Variants in IL1RAPL2 observed in about 807,000 individuals in gnomAD.
The protein encoded by IL1RAPL2 is X-linked interleukin-1 receptor accessory protein-like 2.
IL1RAPL2 carries 3 observed loss-of-function variants against 44.1 expected under a neutral mutation model. The observed-to-expected ratio is 0.07, with a 90% CI of 0.03 to 0.18. IL1RAPL2 has a LOEUF of 0.18. Among genes scored for constraint, IL1RAPL2 ranks in the 10% least tolerant of loss-of-function variants. The pLI, the probability that IL1RAPL2 is intolerant of heterozygous loss-of-function variation, is 1.00. For missense variants in IL1RAPL2, 391 were observed against 496.4 expected (o/e 0.79, Z 2.02); for synonymous variants, 181 against 178.8 (o/e 1.01, Z -0.10).
intron 1 of IL1RAPL2, among the ~76,000 whole-genome samples, chrX:104,637,818 GTGTGTCTGTGTGTC>G (rs1929852668): frequency 1.8e-5 from 2 of 109,470 alleles, no homozygotes; most frequent in South Asian, 3.9e-4. Context: ...GTGTGTGTGT[GTGTGTCTGTGTGTC>G]TGTGTGTGTG....
chrX:105,034,710 T>A (rs1047899305), intron 2 of IL1RAPL2, among the ~76,000 whole-genome samples: 21 of 112,285 alleles, frequency 1.9e-4, no homozygotes, highest in Non-Finnish European at 3.6e-4. Flanking sequence ...GAGGAGGCAG[T>A]CTGCCTGTTC....
chrX:105,542,688 A>ATTTT (rs1159844672), intron 6 of IL1RAPL2, among the ~76,000 whole-genome samples: 4 of 84,861 alleles, frequency 4.7e-5, no homozygotes, highest in African/African-American at 2.1e-4. Flanking sequence ...TATTTTTTAT[A>ATTTT]TTTTTTATTT....
At chrX:105,345,900 G>A (rs964187597) in intron 5 of IL1RAPL2, among the ~76,000 whole-genome samples, 1 of 111,625 alleles carries the variant, frequency 9.0e-6, no homozygotes, top group Non-Finnish European at 1.9e-5. Context: ...GGAGCAACAA[G>A]AAAATCATAC....
chrX:105,672,519 G>A (rs2037832951), intron 6 of IL1RAPL2, among the ~76,000 whole-genome samples: 1 of 112,560 alleles, frequency 8.9e-6, no homozygotes, highest in South Asian at 3.6e-4. Context: ...ACCCCTGTAG[G>A]GGGTAGAGGG....
rs761687117 is a variant in IL1RAPL2 at position 105,090,723 on chromosome X, T to C, written c.83-104752T>C. On this transcript the variant is annotated intron_variant, in intron 2 of 10. Transcript: ENST00000372582. The stretch of plus-strand genomic sequence containing the variant: ...CTCCAAATGACAGAAAGGGTGGCCT[T>C]ATCTCAGGAATGAGAGTTCTTCTAG... Among the ~76,000 whole-genome samples, 22 of 112,383 alleles carry C rather than the reference T, an allele frequency of 2.0e-4. No individual in the cohort carries two copies. In the South Asian group the frequency reaches 4.1e-3, roughly 21 times the overall value.
At chrX:105,522,080 C>T (rs999717782) in intron 6 of IL1RAPL2, among the ~76,000 whole-genome samples, 1 of 111,923 alleles carries the variant, frequency 8.9e-6, no homozygotes, top group Non-Finnish European at 1.9e-5. Flanking sequence ...ATTTGGTACA[C>T]GTTGAGCCAT....
intron 8 of IL1RAPL2, among the ~76,000 whole-genome samples, chrX:105,745,655 C>T: frequency 9.0e-6 from 1 of 111,324 alleles, no homozygotes; most frequent in Non-Finnish European, 1.9e-5. Flanking sequence ...GATCTAATCA[C>T]CTCTCACATG....
chrX:105,592,967 C>A (rs998968058), intron 6 of IL1RAPL2, among the ~76,000 whole-genome samples: 1 of 111,706 alleles, frequency 9.0e-6, no homozygotes, highest in African/African-American at 3.3e-5. Flanking sequence ...GAATTTAAAT[C>A]TTGGCCTCTC....
intron 7 of IL1RAPL2, among the ~76,000 whole-genome samples, chrX:105,732,361 G>A (rs2038413420): frequency 9.0e-6 from 1 of 110,857 alleles, no homozygotes; most frequent in Admixed American, 9.6e-5. Context: ...CATGGGAGTG[G>A]TCCTTCATGA....
intron 6 of IL1RAPL2, among the ~76,000 whole-genome samples, chrX:105,505,810 A>C (rs1019259621): frequency 2.7e-5 from 3 of 111,764 alleles, no homozygotes; most frequent in Non-Finnish European, 5.7e-5. Flanking sequence ...AATGTTGCCA[A>C]AGTAACACAG....
chrX:104,826,566 T>C (rs1293548766), intron 2 of IL1RAPL2, among the ~76,000 whole-genome samples: 2 of 111,675 alleles, frequency 1.8e-5, no homozygotes, highest in Non-Finnish European at 3.8e-5. Flanking sequence ...TGCTATGTGG[T>C]GCTGAGAAGA....
intron 5 of IL1RAPL2, among the ~76,000 whole-genome samples, chrX:105,376,755 G>T (rs1471587608): frequency 1.8e-5 from 2 of 111,511 alleles, no homozygotes; most frequent in Non-Finnish European, 3.8e-5. Context: ...TTTTGAAGTG[G>T]TCTAATTGTC....
intron 2 of IL1RAPL2, among the ~76,000 whole-genome samples, chrX:104,891,901 T>C (rs1196033440): frequency 9.0e-6 from 1 of 111,722 alleles, no homozygotes; most frequent in Non-Finnish European, 1.9e-5. Context: ...TTCCAGTTTT[T>C]GCCCATTCAG....
intron 5 of IL1RAPL2, among the ~76,000 whole-genome samples, chrX:105,389,694 A>G (rs897608199): frequency 2.1e-4 from 24 of 111,736 alleles, no homozygotes; most frequent in Non-Finnish European, 3.9e-4. Context: ...TTTGATCTCC[A>G]GGATAGTTCT....
Position 105,618,985 on chromosome X carries a change from G to C in IL1RAPL2, c.773-98382G>C, listed in dbSNP as rs749865117. Among the ~76,000 whole-genome samples, 6 of 111,288 alleles carry C rather than the reference G, an allele frequency of 5.4e-5. No homozygotes were observed. In the South Asian group the frequency reaches 2.3e-3, roughly 42 times the overall value. The stretch of plus-strand genomic sequence containing the variant: ...AGAGCTGCCTTATGCTCTTCCCATG[G>C]AGGTATAAGGGAGGAAAAATAATTT... On this transcript the variant is annotated intron_variant, in intron 6 of 10. Coordinates refer to ENST00000372582, the MANE Select transcript of IL1RAPL2 (RefSeq NM_017416.2).
intron 3 of IL1RAPL2, chrX:105,219,764 G>A (rs781906123): frequency 1.7e-6 from 2 of 1,199,012 alleles, no homozygotes; most frequent in Non-Finnish European, 2.2e-6. Flanking sequence ...AGCTCCTGGA[G>A]AGAAGTGGGC....
At chrX:104,822,982 A>G (rs1283964308) in intron 2 of IL1RAPL2, among the ~76,000 whole-genome samples, 1 of 111,302 alleles carries the variant, frequency 9.0e-6, no homozygotes, top group Non-Finnish European at 1.9e-5. Context: ...CATTCCTTGT[A>G]ATTTGTATTC....
chrX:105,730,074 C>CTGAA (rs1262853392), intron 7 of IL1RAPL2, among the ~76,000 whole-genome samples: 2 of 111,081 alleles, frequency 1.8e-5, no homozygotes, highest in African/African-American at 6.5e-5. Flanking sequence ...TATAGATTGG[C>CTGAA]TGAATGAATT....
At chrX:104,901,835 GT>G (rs886256949) in intron 2 of IL1RAPL2, among the ~76,000 whole-genome samples, 1 of 111,724 alleles carries the variant, frequency 9.0e-6, no homozygotes, top group Non-Finnish European at 1.9e-5. Context: ...CATCGTCATT[GT>G]GAGGATTAAA....
Sources: gnomAD v4.1 joint callset for allele counts (sites outside exome capture counted in the v4.1 genomes callset) on GRCh38, gnomAD v4.1.1 for gene constraint, MANE v1.5 for transcripts, NCBI Gene and HGNC (gene_info 2026-07-23, HGNC 2026-07-21) for gene names.